The following TINAG variants were observed in gnomAD, a reference collection of about 807,000 sequenced individuals.
The protein encoded by TINAG is tubulointerstitial nephritis antigen.
A neutral mutation model predicts 72.7 loss-of-function variants in TINAG; 83 were observed. The observed-to-expected ratio is 1.14, with a 90% CI of 0.96 to 1.37. TINAG has a LOEUF of 1.37. Ranked by LOEUF, TINAG falls within the 40% of genes most tolerant of loss-of-function variation. The pLI, the probability that TINAG is intolerant of heterozygous loss-of-function variation, is 0.00. For missense variants in TINAG, 685 were observed against 576.6 expected, an observed-to-expected ratio of 1.19 and a Z score of -1.93; for synonymous variants, 234 against 189.9, an observed-to-expected ratio of 1.23 and a Z score of -1.91.
chr6:54,359,944 T>C (rs1183552758), intron 9 of TINAG, among the ~76,000 whole-genome samples: 2 of 151,796 alleles, frequency 1.3e-5, no homozygotes, highest in Non-Finnish European at 2.9e-5. Context: ...CTAACTAATG[T>C]AACACGACAA....
At chr6:54,315,677 AG>A (rs1177570526) in intron 1 of TINAG, among the ~76,000 whole-genome samples, 1 of 104,576 alleles carries the variant, frequency 9.6e-6, no homozygotes, top group East Asian at 2.3e-4. Context: ...ACCCTGTCAA[AG>A]TAAAAAAAAA....
chr6:54,375,700 G>A (rs1763759041), intron 9 of TINAG, among the ~76,000 whole-genome samples: 1 of 152,230 alleles, frequency 6.6e-6, no homozygotes, highest in African/African-American at 2.4e-5. Context: ...CATTGCCCTA[G>A]ATGTTTAGGA....
At position 54,340,525 on chromosome 6, in the gene TINAG, A is replaced by G. The variant is rs185656504; in HGVS notation, c.625-2701A>G. Reference sequence around the variant, plus strand: ...CTCTAAACAATTTACTTTACAGAGGAATACAGTAATTGTGAAATAATGAAA... The same window carrying G: ...CTCTAAACAATTTACTTTACAGAGGGATACAGTAATTGTGAAATAATGAAA... On this transcript the variant is annotated intron_variant, in intron 4 of 10. Transcript: ENST00000259782. Among the ~76,000 whole-genome samples the G allele has an allele frequency of 2.8e-3, 420 of 152,306 alleles. 6 individuals carry two copies. Among genetic ancestry groups the G allele is most frequent in the South Asian group, 0.026 (125 of 4,828 alleles).
intron 10 of TINAG, among the ~76,000 whole-genome samples, chr6:54,387,978 C>T (rs961129225): frequency 6.6e-6 from 1 of 152,092 alleles, no homozygotes; most frequent in African/African-American, 2.4e-5. Context: ...ATGATTAGCT[C>T]TCATTAGCAC....
chr6:54,312,338 G>C (rs552726235), intron 1 of TINAG, among the ~76,000 whole-genome samples: 1 of 151,916 alleles, frequency 6.6e-6, no homozygotes, highest in Non-Finnish European at 1.5e-5. Flanking sequence ...TAGTTGGTTG[G>C]CTGTTGTTAT....
At position 54,390,016 on chromosome 6, in the gene TINAG, T is replaced by G. The variant is rs139978141; in HGVS notation, c.*91T>G. On this transcript the variant is annotated 3_prime_UTR_variant, in exon 11 of 11. Transcript: ENST00000259782. ...GACATTCTTGGTGACAGTGGAATCT[T>G]TGTCTCTTCACCGTGTTAACATAAT... 1,018 of 1,508,986 alleles carry G rather than the reference T, an allele frequency of 6.7e-4. 6 individuals are homozygous for G. The African/African-American group carries it at 0.013, about 19-fold the overall frequency. The allele number at this position is 1,508,986 out of a possible 1,614,324, so 93.5% of individuals were successfully genotyped here.
intron 9 of TINAG, among the ~76,000 whole-genome samples, chr6:54,364,337 G>A (rs187424119): frequency 1.2e-4 from 18 of 151,466 alleles, no homozygotes; most frequent in African/African-American, 4.3e-4. Flanking sequence ...AACGAAAAAA[G>A]GGTTTAGGAT....
At chr6:54,373,067 T>A (rs1460289517) in intron 9 of TINAG, among the ~76,000 whole-genome samples, 5 of 152,148 alleles carry the variant, frequency 3.3e-5, no homozygotes, top group Admixed American at 3.3e-4. Flanking sequence ...AATATTACTC[T>A]TCTCCATTCC....
At position 54,341,576 on chromosome 6, in the gene TINAG, A is replaced by C. The variant is rs537058798; in HGVS notation, c.625-1650A>C. On this transcript the variant is annotated intron_variant, in intron 4 of 10. Transcript: ENST00000259782. ...AACTGAACTCCCCTATTAAAATACA[A>C]ATTTATAAATTATTTTGGATGAAAA... Among the ~76,000 whole-genome samples the C allele has an allele frequency of 2.0e-5, 3 of 152,254 alleles. No homozygotes were observed. In the East Asian group the frequency reaches 5.8e-4, roughly 29 times the overall value.
chr6:54,320,573 T>A lies in TINAG; in HGVS notation c.356-6T>A. 3 of 1,594,878 alleles carry A rather than the reference T, an allele frequency of 1.9e-6. No individual in the cohort carries two copies. Among genetic ancestry groups the A allele is most frequent in the Non-Finnish European group, 2.6e-6 (3 of 1,169,754 alleles). On this transcript the variant is annotated splice_region_variant and splice_polypyrimidine_tract_variant and intron_variant, in intron 1 of 10. Coordinates refer to ENST00000259782, the MANE Select transcript of TINAG (RefSeq NM_014464.4). Reference sequence around the variant, plus strand: ...ATTTTCATTTCTTTACATGTTACTTTGACAGGTTGCTTCAAAGATGGTCAA... The same window carrying A: ...ATTTTCATTTCTTTACATGTTACTTAGACAGGTTGCTTCAAAGATGGTCAA...
Position 54,349,913 on chromosome 6 carries a change from A to G in TINAG, c.1080+17A>G. 6.6e-7 allele frequency: 1 copy of G among 1,504,700 alleles called. No homozygotes were observed. The highest frequency in any genetic ancestry group is 1.4e-5 in the South Asian group (1 of 72,050). 93.2% of individuals were successfully genotyped at this position (1,504,700 alleles called of 1,614,324 possible). On this transcript the variant is annotated intron_variant, in intron 7 of 10. Transcript: ENST00000259782. ...TCTTCCAACGTAAGTATAAATGGCAAGAATCAAGAATAGTTGGCTTTCTCA... is the reference window on the plus strand; with the variant it reads ...TCTTCCAACGTAAGTATAAATGGCAGGAATCAAGAATAGTTGGCTTTCTCA...
intron 3 of TINAG, among the ~76,000 whole-genome samples, chr6:54,322,363 C>G (rs959130006): frequency 7.9e-5 from 12 of 151,468 alleles, no homozygotes; most frequent in Non-Finnish European, 2.9e-5. Flanking sequence ...TAAAAAGATA[C>G]AGGCGCCAAC....
chr6:54,321,470 G>A lies in TINAG; in HGVS notation c.509+84G>A, dbSNP rs544665824. 3.9e-5 allele frequency: 36 copies of A among 928,438 alleles called. No individual in the cohort carries two copies. In the South Asian group the frequency reaches 5.3e-4, roughly 14 times the overall value. 57.5% of individuals were successfully genotyped at this position (928,438 alleles called of 1,614,324 possible). Reference sequence around the variant, plus strand: ...ATGTATTGCTTGGTTTCTATAAATGGTCATTGTTTAAAAAGAAAGAGTGGG... The same window carrying A: ...ATGTATTGCTTGGTTTCTATAAATGATCATTGTTTAAAAAGAAAGAGTGGG... On this transcript the variant is annotated intron_variant, in intron 3 of 10. Transcript: ENST00000259782.
chr6:54,344,737 C>G (rs1383697718), intron 5 of TINAG, among the ~76,000 whole-genome samples: 1 of 152,082 alleles, frequency 6.6e-6, no homozygotes, highest in Non-Finnish European at 1.5e-5. Flanking sequence ...TGCACTGTAC[C>G]AAGTCAGGAT....
intron 6 of TINAG, among the ~76,000 whole-genome samples, chr6:54,348,038 A>T (rs1210701647): frequency 2.6e-5 from 4 of 152,232 alleles, no homozygotes; most frequent in African/African-American, 9.6e-5. Context: ...ATGTAGGCTG[A>T]TACCCATATA....
At chr6:54,386,097 C>T (rs916104427) in intron 10 of TINAG, among the ~76,000 whole-genome samples, 3 of 151,804 alleles carry the variant, frequency 2.0e-5, no homozygotes, top group Non-Finnish European at 2.9e-5. Flanking sequence ...CGCCATGTCG[C>T]CCAGGCTGGT....
At chr6:54,354,705 T>C in intron 9 of TINAG, 69 bp downstream of exon 9, 5 of 1,474,532 alleles carry the variant, frequency 3.4e-6, no homozygotes, top group Non-Finnish European at 4.6e-6. Context: ...ATATGCAGTG[T>C]TTTAAATGCT....
At chr6:54,335,706 A>T (rs913839161) in intron 4 of TINAG, among the ~76,000 whole-genome samples, 4 of 152,166 alleles carry the variant, frequency 2.6e-5, no homozygotes, top group African/African-American at 9.6e-5. Flanking sequence ...CCAATATGTG[A>T]TATCAAACTG....
chr6:54,317,217 T>G (rs1245388411), intron 1 of TINAG, among the ~76,000 whole-genome samples: 1 of 151,544 alleles, frequency 6.6e-6, no homozygotes, highest in Non-Finnish European at 1.5e-5. Context: ...TACCTCCATC[T>G]CTACCATTCT....
Sources: gnomAD v4.1 joint callset for allele counts (sites outside exome capture counted in the v4.1 genomes callset) on GRCh38, gnomAD v4.1.1 for gene constraint, MANE v1.5 for transcripts, NCBI Gene and HGNC (gene_info 2026-07-23, HGNC 2026-07-21) for gene names.